Variants in MAGI2 observed in about 807,000 individuals in gnomAD.
MAGI2 encodes membrane associated guanylate kinase, WW and PDZ domain containing 2.
Under a neutral mutation model 133.3 loss-of-function variants are expected in MAGI2, and 35 were observed. That is an observed-to-expected ratio of 0.26 (90% confidence interval 0.20 to 0.35). MAGI2 has a LOEUF of 0.35. Ranked by LOEUF, MAGI2 falls within the 10% of genes least tolerant of loss-of-function variation. The probability of loss-of-function intolerance (pLI) is 1.00; values close to 1 mark genes in which losing one functional copy is unlikely to be tolerated. For missense variants in MAGI2, 1,636 were observed against 1,863.4 expected (o/e 0.88, Z 2.25); for synonymous variants, 729 against 710.6 (o/e 1.03, Z -0.41).
At position 79,222,945 on chromosome 7, in the gene MAGI2, C is replaced by T. The variant is rs377353767; in HGVS notation, c.302-215739G>A. Among the ~76,000 whole-genome samples the T allele has an allele frequency of 3.9e-4, 59 of 152,070 alleles. No homozygotes were observed. The East Asian group carries it at 0.011, about 28-fold the overall frequency. Reference sequence around the variant, plus strand: ...TGTCGCCCAGGCTGGAGTGCAGTGGCGCTGTCTCGGCTCACTGCAAGCTCC... The same window carrying T: ...TGTCGCCCAGGCTGGAGTGCAGTGGTGCTGTCTCGGCTCACTGCAAGCTCC... On this transcript the variant is annotated intron_variant, in intron 1 of 21. Coordinates refer to ENST00000354212, the MANE Select transcript of MAGI2 (RefSeq NM_012301.4).
At chr7:78,032,137 AT>A (rs968768300) in intron 21 of MAGI2, among the ~76,000 whole-genome samples, 9 of 150,226 alleles carry the variant, frequency 6.0e-5, no homozygotes, top group African/African-American at 2.0e-4. Context: ...TCCTTGCTAC[AT>A]TTTTTTCTGT....
At chr7:78,021,976 G>A (rs1022473413) in intron 21 of MAGI2, among the ~76,000 whole-genome samples, 53 of 152,272 alleles carry the variant, frequency 3.5e-4, no homozygotes, top group African/African-American at 9.9e-4. Flanking sequence ...TGTGGAAGCC[G>A]CCTCATTAAC....
chr7:79,440,699 A>T (rs1407608310), intron 1 of MAGI2, among the ~76,000 whole-genome samples: 2 of 152,200 alleles, frequency 1.3e-5, no homozygotes, highest in African/African-American at 4.8e-5. Context: ...AGGTTTACAT[A>T]AGTAAGAATT....
chr7:78,371,148 C>T (rs1292538437), intron 6 of MAGI2, among the ~76,000 whole-genome samples: 1 of 151,882 alleles, frequency 6.6e-6, no homozygotes, highest in Non-Finnish European at 1.5e-5. Flanking sequence ...AGAAGAATAA[C>T]TCTCCAGATG....
chr7:79,186,011 T>G, intron 1 of MAGI2, among the ~76,000 whole-genome samples: 1 of 151,552 alleles, frequency 6.6e-6, no homozygotes, highest in East Asian at 1.9e-4. Flanking sequence ...TAAATTGATG[T>G]AATTTAACAT....
intron 9 of MAGI2, among the ~76,000 whole-genome samples, chr7:78,266,467 T>C (rs1285107334): frequency 2.6e-5 from 4 of 152,064 alleles, no homozygotes; most frequent in African/African-American, 9.7e-5. Context: ...CCTCCCAAAA[T>C]TGTGCGATTG....
intron 3 of MAGI2, among the ~76,000 whole-genome samples, chr7:78,559,169 C>CAAAAAAAAAAAAAAAAAAAAAAAAA: frequency 3.8e-5 from 1 of 26,170 alleles, no homozygotes; most frequent in Non-Finnish European, 7.6e-5. Context: ...AAAAAAAAAG[C>CAAAAAAAAAAAAAAAAAAAAAAAAA]CAAAAAGAAA....
intron 10 of MAGI2, among the ~76,000 whole-genome samples, chr7:78,235,361 A>C (rs923282434): frequency 1.3e-5 from 2 of 152,126 alleles, no homozygotes; most frequent in Non-Finnish European, 2.9e-5. Flanking sequence ...AGAAAAATAC[A>C]TAGTAAACAA....
At chr7:78,896,879 C>T (rs1031558843) in intron 2 of MAGI2, among the ~76,000 whole-genome samples, 4 of 152,122 alleles carry the variant, frequency 2.6e-5, no homozygotes, top group African/African-American at 4.8e-5. Flanking sequence ...GCCTCTTTGG[C>T]GTCATTGCCA....
Position 79,275,296 on chromosome 7 carries a change from A to T in MAGI2, c.301+177724T>A, listed in dbSNP as rs114096490. Among the ~76,000 whole-genome samples the T allele has an allele frequency of 3.5e-3, 526 of 152,298 alleles. 2 individuals are homozygous for T. Among genetic ancestry groups the T allele is most frequent in the African/African-American group, 0.012 (506 of 41,558 alleles). ...AACATACAAATGATAAGAAGTCAAA[A>T]CAGCCTTTTTGATAATATGGAGAAA... On this transcript the variant is annotated intron_variant, in intron 1 of 21. Coordinates refer to ENST00000354212, the MANE Select transcript of MAGI2 (RefSeq NM_012301.4).
At chr7:78,658,354 T>TAAATGTA (rs1563310006) in intron 2 of MAGI2, among the ~76,000 whole-genome samples, 6 of 152,306 alleles carry the variant, frequency 3.9e-5, no homozygotes, top group Admixed American at 2.0e-4. Flanking sequence ...ATTATGGACT[T>TAAATGTA]AAATGTAAAA....
Position 79,270,357 on chromosome 7 carries a change from C to T in MAGI2, c.301+182663G>A, listed in dbSNP as rs138004912. Among the ~76,000 whole-genome samples the T allele has an allele frequency of 1.9e-4, 28 of 146,334 alleles. No homozygotes were observed. The East Asian group carries it at 3.4e-3, about 18-fold the overall frequency. On this transcript the variant is annotated intron_variant, in intron 1 of 21. Coordinates refer to ENST00000354212, the MANE Select transcript of MAGI2 (RefSeq NM_012301.4). ...GAATTGGTTTTGTCTGCGTAGTGGG[C>T]GGGACGAAACTGTTGGGTGATTACA...
chr7:79,149,857 A>G (rs994461842), intron 1 of MAGI2, among the ~76,000 whole-genome samples: 1 of 152,190 alleles, frequency 6.6e-6, no homozygotes. Context: ...CAGAGTCTCA[A>G]ATTTTTTAAA....
chr7:78,091,863 T>C (rs762361578), intron 20 of MAGI2, among the ~76,000 whole-genome samples: 9 of 152,238 alleles, frequency 5.9e-5, no homozygotes, highest in African/African-American at 1.4e-4. Flanking sequence ...TGTTTGCAAA[T>C]ACATATTCAT....
chr7:78,181,431 CT>C (rs1392275387), intron 13 of MAGI2, among the ~76,000 whole-genome samples: 1 of 152,102 alleles, frequency 6.6e-6, no homozygotes, highest in African/African-American at 2.4e-5. Context: ...AAAAAATCTT[CT>C]TTTTCCTCAG....
At chr7:78,553,109 C>CA (rs35841881) in intron 3 of MAGI2, among the ~76,000 whole-genome samples, 5 of 147,538 alleles carry the variant, frequency 3.4e-5, no homozygotes, top group East Asian at 4.0e-4. Flanking sequence ...AAAAAAAAAA[C>CA]AAACACCAAA....
chr7:78,274,532 G>A lies in MAGI2; in HGVS notation c.1409-17951C>T, dbSNP rs566776048. Among the ~76,000 whole-genome samples, 3 of 152,168 alleles carry A rather than the reference G, an allele frequency of 2.0e-5. No homozygotes were observed. In the South Asian group the frequency reaches 6.2e-4, roughly 32 times the overall value. On this transcript the variant is annotated intron_variant, in intron 9 of 21. Coordinates refer to ENST00000354212, the MANE Select transcript of MAGI2 (RefSeq NM_012301.4). ...GGACGTTTAAGTCTGCTGAAGCTGT[G>A]CCCAGAACCGCCCCTTCCCCCAAGT...
rs373309470 is a variant in MAGI2 at position 78,731,097 on chromosome 7, C to A, written c.419-103858G>T. On this transcript the variant is annotated intron_variant, in intron 2 of 21. Coordinates refer to ENST00000354212, the MANE Select transcript of MAGI2 (RefSeq NM_012301.4). Reference sequence around the variant, plus strand: ...AATCCATTTTCTCTTTAAACCCAACCTTTCAATTTATAACAAATTACTTCC... The same window carrying A: ...AATCCATTTTCTCTTTAAACCCAACATTTCAATTTATAACAAATTACTTCC... Among the ~76,000 whole-genome samples, 9 of 152,118 alleles carry A rather than the reference C, an allele frequency of 5.9e-5. No individual in the cohort carries two copies. The East Asian group carries it at 1.4e-3, about 23-fold the overall frequency.
At chr7:78,097,142 A>G (rs954867328) in intron 20 of MAGI2, among the ~76,000 whole-genome samples, 3 of 152,348 alleles carry the variant, frequency 2.0e-5, no homozygotes, top group African/African-American at 7.2e-5. Context: ...CAGAATGCCT[A>G]TTACTAAAAA....
Sources: gnomAD v4.1 joint callset for allele counts (sites outside exome capture counted in the v4.1 genomes callset) on GRCh38, gnomAD v4.1.1 for gene constraint, MANE v1.5 for transcripts, NCBI Gene and HGNC (gene_info 2026-07-23, HGNC 2026-07-21) for gene names.